IGSF22: variants seen among roughly 807,000 people sequenced by gnomAD.
The protein encoded by IGSF22 is immunoglobulin superfamily, member 22.
Under a neutral mutation model 127.0 loss-of-function variants are expected in IGSF22, and 119 were observed. The ratio of observed to expected loss-of-function variants is 0.94; its 90% CI spans 0.81 to 1.09. The LOEUF (loss-of-function observed/expected upper bound fraction) is 1.09. IGSF22 is among the 50% of genes least tolerant of loss of function. IGSF22 has a pLI of 0.00. For synonymous variants in IGSF22, 568 were observed against 664.7 expected, an observed-to-expected ratio of 0.85 and a Z score of 2.24; for missense variants, 1,518 against 1,716.6, an observed-to-expected ratio of 0.88 and a Z score of 2.04.
intron 20 of IGSF22, 98 bp from the exon 21 acceptor site, chr11:18,707,311 G>T: frequency 9.0e-7 from 1 of 1,111,150 alleles, no homozygotes. Flanking sequence ...ATAAGATGGG[G>T]CAAGTCTCAG....
At chr11:18,714,243 G>A in intron 13 of IGSF22, 34 bp downstream of exon 13, 2 of 1,600,850 alleles carry the variant, frequency 1.2e-6, no homozygotes, top group Non-Finnish European at 1.7e-6. Context: ...GGCCAGGCAT[G>A]GTTGAGCTTT....
intron 11 of IGSF22, 78 bp downstream of exon 11, chr11:18,715,354 G>T: frequency 6.9e-7 from 1 of 1,448,016 alleles, no homozygotes; most frequent in Non-Finnish European, 9.4e-7. Context: ...TAGTGGGAGG[G>T]GGGCAATTGA....
chr11:18,718,577 G>C (rs1848505101), intron 8 of IGSF22, 38 bp downstream of exon 8: 1 of 1,122,006 alleles, frequency 8.9e-7, no homozygotes, highest in African/African-American at 1.5e-5. Context: ...GAGAGGAAGA[G>C]ATATTGCCAA....
chr11:18,712,599 G>A (rs932457195), intron 14 of IGSF22, among the ~76,000 whole-genome samples: 9 of 152,172 alleles, frequency 5.9e-5, no homozygotes, highest in Non-Finnish European at 1.3e-4. Flanking sequence ...CTAGCAATGG[G>A]TAGACTAGAG....
At position 18,710,388 on chromosome 11, in the gene IGSF22, A is replaced by G; in HGVS notation, c.2640T>C (p.Asn880=). 1 of 1,614,190 alleles carries G rather than the reference A, an allele frequency of 6.2e-7. No homozygotes were observed. Residue 880 remains asparagine, a synonymous_variant, in exon 17 of 23, where the codon AAT becomes AAC. Coordinates refer to ENST00000513874, the MANE Select transcript of IGSF22 (RefSeq NM_173588.4). ...TEYEFRVIAV[N]KAGPGQPSVP... ...CACTGGGCTGTCCAGGGCCTGCCTT[A>G]TTTACAGCTATAACTCGGAATTCAT... is the stretch of plus-strand genomic sequence containing the variant.
chr11:18,721,557 A>G lies in IGSF22; in HGVS notation c.356T>C (p.Ile119Thr). 1.2e-6 allele frequency: 2 copies of G among 1,614,172 alleles called. No individual in the cohort carries two copies. Among genetic ancestry groups the G allele is most frequent in the Non-Finnish European group, 1.7e-6 (2 of 1,180,030 alleles). Residue 119 changes from isoleucine to threonine, a missense_variant, in exon 4 of 23, where the codon ATT becomes ACT. Ile to Thr is a moderately conservative substitution (Grantham distance 89, BLOSUM62 -1). Around this residue, in one of 3 missense-constraint regions of IGSF22, gnomAD observed 1,456 missense variants for 1,644.9 expected, o/e 0.89. Coordinates refer to ENST00000513874, the MANE Select transcript of IGSF22 (RefSeq NM_173588.4). Reference sequence around the variant, plus strand: ...CACCTTCAGCACGTGTTCCTTGTTAATGCTGTCGTAGAATATCTTGGCGGA... The same window carrying G: ...CACCTTCAGCACGTGTTCCTTGTTAGTGCTGTCGTAGAATATCTTGGCGGA... ...KESAKIFYDSINKEHVLKLEP... is the reference protein window; with the variant it reads ...KESAKIFYDSTNKEHVLKLEP...
intron 8 of IGSF22, 131 bp from the exon 9 acceptor site, chr11:18,718,224 T>C: frequency 1.2e-6 from 1 of 807,068 alleles, no homozygotes; most frequent in Non-Finnish European, 1.9e-6. Context: ...ATCCCTATGA[T>C]CTCTATAGCC....
Position 18,715,587 on chromosome 11 carries a change from A to G in IGSF22, c.1376T>C (p.Met459Thr). 2.5e-6 allele frequency: 4 copies of G among 1,614,038 alleles called. 1 individual carries two copies. The Middle Eastern group carries it at 6.6e-4, about 266-fold the overall frequency. ...GTTCATGCTGTACTTAGTGCCATGC[A>G]TCAGCAGCTGCCCATCCTTCTTCCA... ...LRWKKDGQLL[M>T]HGTKYSMNHE... The change falls in exon 11 of 23, where the codon ATG becomes ACG. Residue 459 changes from methionine to threonine, a missense_variant. By Grantham distance (81) the Met-to-Thr change is moderately conservative. This residue lies in a region of IGSF22 where 1,456 missense variants were observed against 1,644.9 expected (regional missense o/e 0.89). Coordinates refer to ENST00000513874, the MANE Select transcript of IGSF22 (RefSeq NM_173588.4).
In IGSF22 at chr11:18,713,909, G is replaced by A; in HGVS notation, c.2038C>T (p.Leu680Phe). The A allele has an allele frequency of 6.2e-7, 1 of 1,614,240 alleles. No individual in the cohort carries two copies. Among genetic ancestry groups the A allele is most frequent in the South Asian group, 1.1e-5 (1 of 91,088 alleles). ...CVREDSGLILLKLKNDHGSAT... is the reference protein window; with the variant it reads ...CVREDSGLILFKLKNDHGSAT... ...GAGCCGTGGTCATTCTTGAGCTTGA[G>A]CAGGATGAGGCCGCTGTCTTCACGC... Residue 680 changes from leucine (L) to phenylalanine (F), a missense_variant, in exon 14 of 23, where the codon CTC (leucine) becomes TTC (phenylalanine). Physicochemically the swap from Leu to Phe is conservative, Grantham distance 22. Around this residue, in one of 3 missense-constraint regions of IGSF22, gnomAD observed 1,456 missense variants for 1,644.9 expected, o/e 0.89. Transcript: ENST00000513874.
At chr11:18,723,978 G>A (rs990923710) in intron 2 of IGSF22, 150 bp downstream of exon 2, 5 of 600,916 alleles carry the variant, frequency 8.3e-6, no homozygotes, top group Non-Finnish European at 1.5e-5. Flanking sequence ...ACAAAGCCAA[G>A]ATTAGAAGCA....
At chr11:18,713,483 T>C (rs1848395868) in intron 14 of IGSF22, among the ~76,000 whole-genome samples, 1 of 152,220 alleles carries the variant, frequency 6.6e-6, no homozygotes, top group Non-Finnish European at 1.5e-5. Flanking sequence ...TCTACCTCTC[T>C]TTCACCTCAT....
chr11:18,714,150 T>C lies in IGSF22; in HGVS notation c.1799-2A>G, dbSNP rs749980493. ...CTGACGGGTCGATGGTAGGAGGATC[T>C]GTGGGGCGGGGCGGCAGGGAAGGCT... On this transcript the variant is annotated splice_acceptor_variant, in intron 13 of 22. Coordinates refer to ENST00000513874, the MANE Select transcript of IGSF22 (RefSeq NM_173588.4). LOFTEE classifies it high-confidence loss of function. 19 of 1,607,426 alleles carry C rather than the reference T, an allele frequency of 1.2e-5. No individual in the cohort carries two copies. The highest frequency in any genetic ancestry group is 1.7e-4 in the Middle Eastern group (1 of 6,052).
At chr11:18,720,014 G>A in intron 6 of IGSF22, 50 bp downstream of exon 6, 2 of 1,611,900 alleles carry the variant, frequency 1.2e-6, no homozygotes, top group Middle Eastern at 3.5e-4. Context: ...GAGAGGCTTT[G>A]GCCTGGATGA....
intron 4 of IGSF22, among the ~76,000 whole-genome samples, chr11:18,720,490 A>G (rs1274264731): frequency 1.3e-5 from 2 of 152,046 alleles, no homozygotes; most frequent in Non-Finnish European, 2.9e-5. Flanking sequence ...GCCTGATTCC[A>G]TAGCAATAAA....
chr11:18,718,737 T>G lies in IGSF22; in HGVS notation c.697-9A>C, dbSNP rs754451420. On this transcript the variant is annotated splice_polypyrimidine_tract_variant and intron_variant, in intron 7 of 22. Transcript: ENST00000513874. ...TTCAGAATCCGGATGGCCTGAGAGA[T>G]TATGATAATAAAATGACAAGTGTCA... The G allele has an allele frequency of 1.3e-6, 2 of 1,554,394 alleles. No homozygotes were observed. Among genetic ancestry groups the G allele is most frequent in the Non-Finnish European group, 8.9e-7 (1 of 1,127,604 alleles).
At chr11:18,721,827 G>A in intron 3 of IGSF22, 83 bp downstream of exon 3, 1 of 1,593,754 alleles carries the variant, frequency 6.3e-7, no homozygotes, top group East Asian at 2.2e-5. Context: ...AGCATTGGAG[G>A]TCGTTGGGGT....
rs1262057419 is a variant in IGSF22 at position 18,714,262 on chromosome 11, T to C, written c.1798+15A>G. The C allele has an allele frequency of 1.9e-6, 3 of 1,610,052 alleles. No homozygotes were observed. The highest frequency in any genetic ancestry group is 4.5e-5 in the East Asian group (2 of 44,864). On this transcript the variant is annotated intron_variant, in intron 13 of 22. Coordinates refer to ENST00000513874, the MANE Select transcript of IGSF22 (RefSeq NM_173588.4). Reference sequence around the variant, plus strand: ...AGGCATGGTTGAGCTTTGCCTACCTTGGACAGATCCATACCTGCGATGAAT... The same window carrying C: ...AGGCATGGTTGAGCTTTGCCTACCTCGGACAGATCCATACCTGCGATGAAT...
intron 2 of IGSF22, among the ~76,000 whole-genome samples, chr11:18,723,257 C>T (rs937518863): frequency 6.6e-6 from 1 of 152,224 alleles, no homozygotes; most frequent in African/African-American, 2.4e-5. Flanking sequence ...CATATTTTTG[C>T]CCTCCTCACA....
At chr11:18,705,610 T>A (rs548861547) in intron 22 of IGSF22, 1 of 589,884 alleles carries the variant, frequency 1.7e-6, no homozygotes, top group East Asian at 2.8e-5. Flanking sequence ...GATTGAGAAC[T>A]CTCATGTCTG....
Sources: allele counts gnomAD v4.1 joint callset (sites outside exome capture counted in the v4.1 genomes callset), GRCh38; gene constraint gnomAD v4.1.1; regional missense constraint gnomAD v4.1.1; transcripts MANE v1.5; gene names NCBI Gene and HGNC (gene_info 2026-07-23, HGNC 2026-07-21).